Variants in SCML2 observed in about 807,000 individuals in gnomAD.
SCML2 encodes sex comb on midleg-like protein 2.
In SCML2, 6 loss-of-function variants were observed where a neutral mutation model predicts 48.4. The observed-to-expected ratio is 0.12, with a 90% CI of 0.07 to 0.24. The LOEUF (loss-of-function observed/expected upper bound fraction) is 0.24, where lower values mean the gene tolerates loss of function less well. Among genes scored for constraint, SCML2 ranks in the 10% least tolerant of loss-of-function variants. The probability of loss-of-function intolerance (pLI) is 1.00; values close to 1 mark genes in which losing one functional copy is unlikely to be tolerated. For synonymous variants in SCML2, 181 were observed against 189.5 expected (o/e 0.95, Z 0.37); for missense variants, 377 against 528.2 (o/e 0.71, Z 2.81).
At chrX:18,288,773 G>A (rs1928139414) in intron 7 of SCML2, among the ~76,000 whole-genome samples, 1 of 112,104 alleles carries the variant, frequency 8.9e-6, no homozygotes, top group Non-Finnish European at 1.9e-5. Context: ...CAAATGATAG[G>A]ATAGCCTTGC....
chrX:18,329,504 A>G (rs758816676), intron 3 of SCML2, among the ~76,000 whole-genome samples: 3 of 112,353 alleles, frequency 2.7e-5, no homozygotes, highest in African/African-American at 9.7e-5. Context: ...TGGTAAAACA[A>G]TAGTTTGCTA....
chrX:18,292,904 A>T (rs969285705), intron 7 of SCML2, among the ~76,000 whole-genome samples: 3 of 111,729 alleles, frequency 2.7e-5, no homozygotes, highest in African/African-American at 9.7e-5. Flanking sequence ...ATAACTAGAA[A>T]CACTCTCATT....
intron 1 of SCML2, among the ~76,000 whole-genome samples, chrX:18,353,345 G>A (rs1930434345): frequency 8.9e-6 from 1 of 112,153 alleles, no homozygotes; most frequent in Non-Finnish European, 1.9e-5. Context: ...CTCCATAAAT[G>A]TTGTACATCT....
intron 7 of SCML2, among the ~76,000 whole-genome samples, chrX:18,297,257 A>G (rs747853614): frequency 3.6e-5 from 4 of 112,479 alleles, no homozygotes; most frequent in Non-Finnish European, 5.6e-5. Context: ...TACATATGAC[A>G]AAACCACAGC....
chrX:18,353,779 G>A (rs1930446819), intron 1 of SCML2, among the ~76,000 whole-genome samples: 1 of 112,886 alleles, frequency 8.9e-6, no homozygotes, highest in African/African-American at 3.2e-5. Context: ...ACCTTGAGGC[G>A]CAAAATCGAG....
intron 7 of SCML2, among the ~76,000 whole-genome samples, chrX:18,284,109 C>T (rs1927960536): frequency 9.0e-6 from 1 of 111,430 alleles, no homozygotes; most frequent in Non-Finnish European, 1.9e-5. Flanking sequence ...GAAATAAAGC[C>T]ATATACCTAC....
chrX:18,322,161 T>TG (rs1436644393), intron 5 of SCML2, among the ~76,000 whole-genome samples: 1 of 112,506 alleles, frequency 8.9e-6, no homozygotes, highest in African/African-American at 3.2e-5. Flanking sequence ...TGTATTAAAA[T>TG]GGAAGTTAAA....
intron 7 of SCML2, among the ~76,000 whole-genome samples, chrX:18,286,344 G>A (rs780180364): frequency 5.4e-5 from 6 of 111,741 alleles, no homozygotes; most frequent in Non-Finnish European, 7.5e-5. Flanking sequence ...TTTTAGACTA[G>A]CATATGTGAA....
chrX:18,353,663 T>A (rs1930442882), intron 1 of SCML2, among the ~76,000 whole-genome samples: 1 of 112,658 alleles, frequency 8.9e-6, no homozygotes, highest in Non-Finnish European at 1.9e-5. Context: ...TTTTAAAAAA[T>A]AAATAGTCTC....
At chrX:18,292,625 CTTG>C (rs1311364815) in intron 7 of SCML2, among the ~76,000 whole-genome samples, 3 of 110,604 alleles carry the variant, frequency 2.7e-5, no homozygotes, top group Non-Finnish European at 5.7e-5. Flanking sequence ...CAAATATATT[CTTG>C]TTTTTTTTAA....
At chrX:18,262,337 C>CTTT (rs780523423) in intron 8 of SCML2, among the ~76,000 whole-genome samples, 5 of 78,470 alleles carry the variant, frequency 6.4e-5, no homozygotes, top group African/African-American at 1.1e-4. Context: ...CTGGGTCTAC[C>CTTT]TTTTTTTTTT....
chrX:18,326,383 T>C (rs1429353976), intron 3 of SCML2, among the ~76,000 whole-genome samples: 1 of 111,097 alleles, frequency 9.0e-6, no homozygotes, highest in Non-Finnish European at 1.9e-5. Flanking sequence ...AGAGAGAGTG[T>C]TAAGAATGTG....
chrX:18,343,800 A>C (rs749144231), intron 1 of SCML2, among the ~76,000 whole-genome samples: 128 of 105,269 alleles, frequency 1.2e-3, no homozygotes, highest in Admixed American at 4.1e-3. Context: ...AGGAAAAAAA[A>C]ACCTGGGCCG....
intron 7 of SCML2, among the ~76,000 whole-genome samples, chrX:18,293,335 T>C (rs1459052753): frequency 9.0e-6 from 1 of 111,435 alleles, no homozygotes; most frequent in African/African-American, 3.3e-5. Flanking sequence ...AAGCGATGCC[T>C]GAAAAAAAGC....
At chrX:18,257,648 G>A (rs911137269) in intron 10 of SCML2, among the ~76,000 whole-genome samples, 3 of 109,811 alleles carry the variant, frequency 2.7e-5, no homozygotes, top group African/African-American at 6.6e-5. Context: ...AGCATTCTGC[G>A]AGGCCAAGGT....
intron 6 of SCML2, among the ~76,000 whole-genome samples, chrX:18,309,149 C>T (rs1381183686): frequency 2.0e-5 from 2 of 101,371 alleles, no homozygotes; most frequent in Non-Finnish European, 3.9e-5. Context: ...TGCAGTGAGC[C>T]GAGATTGGGC....
At chrX:18,256,022 C>T (rs1489470400) in intron 11 of SCML2, among the ~76,000 whole-genome samples, 1 of 112,279 alleles carries the variant, frequency 8.9e-6, no homozygotes, top group African/African-American at 3.2e-5. Flanking sequence ...GCTGAAAGAG[C>T]TTTCTTGCTT....
At chrX:18,332,840 G>A (rs1929699095) in intron 2 of SCML2, among the ~76,000 whole-genome samples, 1 of 110,492 alleles carries the variant, frequency 9.1e-6, no homozygotes, top group Non-Finnish European at 1.9e-5. Context: ...TTAGCCAGGT[G>A]TGGTGGCACA....
intron 11 of SCML2, among the ~76,000 whole-genome samples, chrX:18,253,475 G>A (rs1926736804): frequency 9.0e-6 from 1 of 111,601 alleles, no homozygotes; most frequent in Non-Finnish European, 1.9e-5. Flanking sequence ...TGATGAATAT[G>A]TTCAAGAAAA....
Sources: allele counts gnomAD v4.1 joint callset (sites outside exome capture counted in the v4.1 genomes callset), GRCh38; gene constraint gnomAD v4.1.1; transcripts MANE v1.5; gene names NCBI Gene and HGNC (gene_info 2026-07-23, HGNC 2026-07-21).